Variants in ALG5 observed in about 807,000 individuals in gnomAD.
ALG5 encodes ALG5 dolichyl-phosphate beta-glucosyltransferase, also known as dolichyl-phosphate beta-glucosyltransferase.
Under a neutral mutation model 51.8 loss-of-function variants are expected in ALG5, and 26 were observed. That is an observed-to-expected ratio of 0.50 (90% CI 0.37 to 0.70). The LOEUF (loss-of-function observed/expected upper bound fraction) is 0.70, where lower values mean the gene tolerates loss of function less well. ALG5 is among the 30% of genes least tolerant of loss of function. ALG5 has a pLI of 0.00. For missense variants in ALG5, 311 were observed against 399.3 expected (o/e 0.78, Z 1.88); for synonymous variants, 141 against 136.1 (o/e 1.04, Z -0.25).
intron 3 of ALG5, among the ~76,000 whole-genome samples, chr13:36,993,917 G>T (rs1164226176): frequency 1.3e-5 from 2 of 152,212 alleles, no homozygotes; most frequent in Admixed American, 1.3e-4. Flanking sequence ...TCCCCAGTCT[G>T]CCCTGTACCT....
chr13:36,968,528 A>G (rs926975247), intron 7 of ALG5, among the ~76,000 whole-genome samples: 1 of 152,242 alleles, frequency 6.6e-6, no homozygotes, highest in African/African-American at 2.4e-5. Context: ...TATACAGAAC[A>G]CATGGGAATG....
chr13:36,993,836 A>AAG (rs113842495), intron 3 of ALG5, among the ~76,000 whole-genome samples, 164 bp from the exon 4 acceptor site: 4 of 152,082 alleles, frequency 2.6e-5, no homozygotes, highest in African/African-American at 4.8e-5. Flanking sequence ...GCTAAGTAAA[A>AAG]AGAGAGAGAG....
chr13:36,992,416 A>ATAC (rs1489216621), intron 4 of ALG5, among the ~76,000 whole-genome samples: 2 of 152,260 alleles, frequency 1.3e-5, no homozygotes, highest in Non-Finnish European at 2.9e-5. Context: ...AAGTCATTAT[A>ATAC]TAAGTAGCTA....
At chr13:36,977,839 T>C (rs1593674481) in intron 6 of ALG5, among the ~76,000 whole-genome samples, 1 of 127,558 alleles carries the variant, frequency 7.8e-6, no homozygotes, top group Admixed American at 8.1e-5. Flanking sequence ...AGAAGTAAAG[T>C]ATATATTATC....
chr13:36,986,071 T>C (rs73175062), intron 5 of ALG5, among the ~76,000 whole-genome samples: 294 of 152,312 alleles, frequency 1.9e-3, no homozygotes, highest in Non-Finnish European at 3.2e-3. Context: ...ACATATTATA[T>C]GTTTATCGTG....
At chr13:36,967,614 G>C in intron 7 of ALG5, 1 of 318,316 alleles carries the variant, frequency 3.1e-6, no homozygotes, top group South Asian at 2.9e-5. Context: ...AAATGATCTA[G>C]CACTTCTCAT....
intron 9 of ALG5, among the ~76,000 whole-genome samples, chr13:36,951,647 T>A (rs1388421740): frequency 6.6e-6 from 1 of 152,220 alleles, no homozygotes. Flanking sequence ...TGTCTAAGCC[T>A]TTTAAAATAG....
Position 36,994,991 on chromosome 13 carries a change from G to C in ALG5, c.283C>G (p.Gln95Glu). The change falls in exon 3 of 10, where the codon CAG (glutamine) becomes GAG (glutamate). Residue 95 changes from glutamine (Q) to glutamate (E), a missense_variant and splice_region_variant. Physicochemically the swap from Gln to Glu is conservative, Grantham distance 29. Transcript: ENST00000239891. ...TATTAAAAGAGAAAACATGATACCTGTCTCTTCTCTAGATAGCTCAGAGCT... is the reference window on the plus strand; with the variant it reads ...TATTAAAAGAGAAAACATGATACCTCTCTCTTCTCTAGATAGCTCAGAGCT... ...DEALSYLEKR[Q>E]KRDPAFTYEV... is the part of the protein sequence containing the mutation. 1 of 1,611,954 alleles carries C rather than the reference G, an allele frequency of 6.2e-7. No homozygotes were observed. Among genetic ancestry groups the C allele is most frequent in the Non-Finnish European group, 8.5e-7 (1 of 1,178,734 alleles).
At chr13:36,959,777 T>C (rs975181185) in intron 8 of ALG5, among the ~76,000 whole-genome samples, 2 of 151,952 alleles carry the variant, frequency 1.3e-5, no homozygotes, top group African/African-American at 2.4e-5. Context: ...TTTTTTCACA[T>C]GCAAGGAATC....
chr13:36,973,144 T>A (rs1050649491), intron 6 of ALG5, among the ~76,000 whole-genome samples: 16 of 142,002 alleles, frequency 1.1e-4, no homozygotes, highest in African/African-American at 2.3e-4. Context: ...AATAAAAAAA[T>A]TTTTAAAAGA....
chr13:36,958,008 A>G (rs2058848412), intron 8 of ALG5, among the ~76,000 whole-genome samples: 1 of 152,164 alleles, frequency 6.6e-6, no homozygotes, highest in South Asian at 2.1e-4. Flanking sequence ...AACCCTGGAT[A>G]CTGCCAAAGG....
chr13:36,995,708 C>G (rs1228164600), intron 1 of ALG5, 112 bp from the exon 2 acceptor site: 1 of 1,036,886 alleles, frequency 9.6e-7, no homozygotes, highest in Non-Finnish European at 1.4e-6. Flanking sequence ...TACTCACTCT[C>G]AGGTTTTAGT....
intron 4 of ALG5, among the ~76,000 whole-genome samples, chr13:36,989,810 A>C (rs993238023): frequency 6.6e-6 from 1 of 152,138 alleles, no homozygotes; most frequent in African/African-American, 2.4e-5. Flanking sequence ...CACAGTGGGC[A>C]ATGACCTTCT....
At chr13:36,962,839 A>G (rs979301977) in intron 8 of ALG5, among the ~76,000 whole-genome samples, 1 of 152,202 alleles carries the variant, frequency 6.6e-6, no homozygotes. Flanking sequence ...TGTAAATTTG[A>G]ATATATAGTA....
intron 8 of ALG5, among the ~76,000 whole-genome samples, chr13:36,960,793 C>G (rs969656141): frequency 2.6e-5 from 4 of 151,890 alleles, no homozygotes; most frequent in African/African-American, 9.7e-5. Context: ...AGGTGCCCAC[C>G]ACCATGCCCA....
chr13:36,967,951 C>G, intron 7 of ALG5: 1 of 408,788 alleles, frequency 2.4e-6, no homozygotes, highest in Non-Finnish European at 4.1e-6. Context: ...CTATTCATGA[C>G]TGCTCTGGCT....
rs1348996942 is a variant in ALG5, at chr13:36,971,994, T to C, written c.604A>G (p.Lys202Glu). Residue 202 changes from lysine to glutamate, a missense_variant, in exon 7 of 10, where the codon AAA becomes GAA. Transcript: ENST00000239891. ...IACGSRAHLE[K>E]ESIAQRSYFR... ...AGTCTCACCTGAGCAATTGATTCTTTTTCTAAATGAGCTCGAGATCCACAT... is the reference window on the plus strand; with the variant it reads ...AGTCTCACCTGAGCAATTGATTCTTCTTCTAAATGAGCTCGAGATCCACAT... The C allele has an allele frequency of 1.2e-6, 2 of 1,604,398 alleles. No homozygotes were observed. Among genetic ancestry groups the C allele is most frequent in the Non-Finnish European group, 1.7e-6 (2 of 1,174,808 alleles).
chr13:36,973,839 T>C (rs1199158801), intron 6 of ALG5, among the ~76,000 whole-genome samples: 2 of 152,220 alleles, frequency 1.3e-5, no homozygotes, highest in African/African-American at 2.4e-5. Context: ...AGATCCTCAA[T>C]TACACTTATT....
At chr13:36,986,847 A>G (rs2059004210) in intron 5 of ALG5, among the ~76,000 whole-genome samples, 1 of 152,128 alleles carries the variant, frequency 6.6e-6, no homozygotes, top group Non-Finnish European at 1.5e-5. Context: ...AAAAAACTGG[A>G]GCTATTAGTC....
Sources: gnomAD v4.1 joint callset for allele counts (sites outside exome capture counted in the v4.1 genomes callset) on GRCh38, gnomAD v4.1.1 for gene constraint, MANE v1.5 for transcripts, NCBI Gene and HGNC (gene_info 2026-07-23, HGNC 2026-07-21) for gene names.